The following RADX variants were observed in gnomAD, a reference collection of about 807,000 sequenced individuals.
The protein encoded by RADX is RPA1 related single stranded DNA binding protein, X-linked, also known as RPA-related protein RADX.
Under a neutral mutation model 61.6 loss-of-function variants are expected in RADX, and 36 were observed. The observed-to-expected ratio is 0.58, with a 90% confidence interval of 0.45 to 0.77. The LOEUF (loss-of-function observed/expected upper bound fraction) is 0.77. Ranked by LOEUF, RADX falls within the 30% of genes least tolerant of loss-of-function variation. The probability of loss-of-function intolerance (pLI) is 0.00; values close to 1 mark genes in which losing one functional copy is unlikely to be tolerated. For synonymous variants in RADX, 272 were observed against 237.9 expected (o/e 1.14, Z -1.32); for missense variants, 497 against 651.1 (o/e 0.76, Z 2.58).
intron 10 of RADX, among the ~76,000 whole-genome samples, chrX:106,642,699 T>C (rs1447343978): frequency 8.9e-6 from 1 of 111,951 alleles, no homozygotes; most frequent in Non-Finnish European, 1.9e-5. Flanking sequence ...TTATAAACAG[T>C]GCTGCAGCAA....
chrX:106,626,161 T>C (rs1246179730), intron 3 of RADX, among the ~76,000 whole-genome samples: 3 of 111,689 alleles, frequency 2.7e-5, no homozygotes, highest in African/African-American at 9.7e-5. Context: ...TTGTAAGAAT[T>C]GTAGATTACA....
intron 1 of RADX, 110 bp downstream of exon 1, chrX:106,612,833 G>A: frequency 3.8e-6 from 3 of 792,198 alleles, no homozygotes; most frequent in Non-Finnish European, 5.3e-6. Context: ...TACAAGCCAG[G>A]AGTGGTAGGT....
intron 13 of RADX, among the ~76,000 whole-genome samples, chrX:106,672,775 T>G (rs1356300287): frequency 5.4e-5 from 6 of 111,973 alleles, no homozygotes; most frequent in Admixed American, 9.4e-5. Flanking sequence ...AGCCAGTGAC[T>G]AGAGTCAAAA....
rs1402000472 is a variant in RADX at position 106,631,713 on chromosome X, AAAAGAAAGAAGG to A, written c.980-897_980-886del. ...AGTAAGGCCCTGTCAAAAAAAAAAA[AAAAGAAAGAAGG>A]AAAGAAAGAAGGAAGAAAGGAAGGA... On this transcript the variant is annotated intron_variant, in intron 3 of 13. Coordinates refer to ENST00000372548, the MANE Select transcript of RADX (RefSeq NM_018015.6). Among the ~76,000 whole-genome samples, 559 of 107,221 alleles carry A rather than the reference AAAAGAAAGAAGG, an allele frequency of 5.2e-3. 2 individuals are homozygous for A. Among genetic ancestry groups the A allele is most frequent in the African/African-American group, 0.017 (488 of 29,388 alleles). 93.1% of individuals were successfully genotyped at this position (107,221 alleles called of 115,157 possible). A position where few individuals can be genotyped will look rare whatever the true frequency, so the allele number is the denominator to read the frequency against.
intron 11 of RADX, among the ~76,000 whole-genome samples, chrX:106,659,261 G>A (rs1184440140): frequency 4.5e-5 from 5 of 111,929 alleles, no homozygotes; most frequent in South Asian, 3.7e-4. Context: ...GATTACAGGC[G>A]TGAGCCTGCC....
chrX:106,614,836 G>A (rs1926761940), intron 1 of RADX, among the ~76,000 whole-genome samples: 1 of 109,939 alleles, frequency 9.1e-6, no homozygotes, highest in African/African-American at 3.3e-5. Context: ...TTTCATTAAA[G>A]TTTACCTTGT....
chrX:106,611,992 C>G lies in RADX; in HGVS notation c.-89C>G. ...CTGTCAGCAGGGGCAGAGTAGCGAT[C>G]GTCGCCAAAGCGCGCGGTTTTATTT... On this transcript the variant is annotated 5_prime_UTR_variant, in exon 1 of 14. The change creates a new upstream start codon in the 5' untranslated region. Transcript: ENST00000372548. The G allele has an allele frequency of 9.8e-7, 1 of 1,020,424 alleles. No homozygotes were observed. Among genetic ancestry groups the G allele is most frequent in the Non-Finnish European group, 1.3e-6 (1 of 749,794 alleles). The allele number at this position is 1,020,424 out of a possible 1,213,427, so 84.1% of individuals were successfully genotyped here.
chrX:106,639,699 G>A lies in RADX; in HGVS notation c.1734+12G>A, dbSNP rs781414010. The A allele has an allele frequency of 2.8e-5, 32 of 1,151,130 alleles. No individual in the cohort carries two copies. The highest frequency in any genetic ancestry group is 3.7e-5 in the Non-Finnish European group (32 of 861,622). 94.9% of individuals were successfully genotyped at this position (1,151,130 alleles called of 1,213,427 possible). ...CAGAAACACTTCGGGTATGGTGCCAGAGAATTAATAGTATTTCTCTGAAAG... is the reference window on the plus strand; with the variant it reads ...CAGAAACACTTCGGGTATGGTGCCAAAGAATTAATAGTATTTCTCTGAAAG... On this transcript the variant is annotated intron_variant, in intron 9 of 13. Transcript: ENST00000372548.
At chrX:106,627,537 C>G (rs142629932) in intron 3 of RADX, among the ~76,000 whole-genome samples, 2,244 of 110,766 alleles carry the variant, frequency 0.02, 52 homozygotes, top group African/African-American at 0.069. Flanking sequence ...TAGTCACCAT[C>G]CAATGCGATA....
chrX:106,622,732 T>C lies in RADX; in HGVS notation c.725T>C (p.Leu242Ser). Residue 242 changes from leucine (L) to serine (S), a missense_variant, in exon 2 of 14, where the codon TTA becomes TCA. Physicochemically the swap from Leu to Ser is moderately radical, Grantham distance 145 (BLOSUM62 -2). This residue lies in a region of RADX where 196 missense variants were observed against 315.0 expected (regional missense o/e 0.62). Coordinates refer to ENST00000372548, the MANE Select transcript of RADX (RefSeq NM_018015.6). Reference protein sequence around the residue: ...RNFPALLVRILHKSKLRYYGK... With the variant: ...RNFPALLVRISHKSKLRYYGK... ...TTTCCTGCATTGCTTGTGAGGATCT[T>C]ACATAAATCAAAACTGCGATACTAT... is the stretch of plus-strand genomic sequence containing the variant. The C allele has an allele frequency of 8.3e-7, 1 of 1,202,547 alleles. No individual in the cohort carries two copies. Among genetic ancestry groups the C allele is most frequent in the Non-Finnish European group, 1.1e-6 (1 of 891,202 alleles).
rs1158137958 is a variant in RADX at position 106,622,704 on chromosome X, A to C, written c.697A>C (p.Asn233His). Residue 233 changes from asparagine to histidine, a missense_variant, in exon 2 of 14, where the codon AAT becomes CAT. Transcript: ENST00000372548. ...TGAAATGACCTGGACTAACAGAAGA[A>C]ATTTTCCTGCATTGCTTGTGAGGAT... Reference protein sequence around the residue: ...HLEMTWTNRRNFPALLVRILH... With the variant: ...HLEMTWTNRRHFPALLVRILH... The C allele has an allele frequency of 1.4e-5, 17 of 1,195,381 alleles. No individual in the cohort carries two copies. Among genetic ancestry groups the C allele is most frequent in the Non-Finnish European group, 1.4e-5 (12 of 885,344 alleles).
intron 13 of RADX, among the ~76,000 whole-genome samples, chrX:106,674,063 G>GT (rs753042367): frequency 9.0e-6 from 1 of 111,237 alleles, no homozygotes; most frequent in Non-Finnish European, 1.9e-5. Flanking sequence ...ATTCAGGAGT[G>GT]TTTTTTCTAC....
At chrX:106,677,985 G>T (rs1928549609) in intron 13 of RADX, 143 bp from the exon 14 acceptor site, 2 of 350,218 alleles carry the variant, frequency 5.7e-6, no homozygotes, top group Non-Finnish European at 9.8e-6. Flanking sequence ...TTTGGTAAAT[G>T]CATGTAATAA....
At chrX:106,630,161 A>G (rs868075990) in intron 3 of RADX, among the ~76,000 whole-genome samples, 2 of 110,551 alleles carry the variant, frequency 1.8e-5, no homozygotes, top group Non-Finnish European at 3.8e-5. Flanking sequence ...TGTCTCTACA[A>G]ATAAAAAGAA....
Position 106,656,269 on chromosome X carries a change from A to T in RADX, c.1979-5746A>T, listed in dbSNP as rs753299187. On this transcript the variant is annotated intron_variant, in intron 11 of 13. Transcript: ENST00000372548. ...CAATTTAGTAACATCTTCAGACTCC[A>T]CTTCTAATTCTAGTTCTCCTGCCAT... Among the ~76,000 whole-genome samples the T allele has an allele frequency of 1.4e-4, 16 of 111,894 alleles. 1 individual carries two copies. The highest frequency in any genetic ancestry group is 1.0e-3 in the Admixed American group (11 of 10,561).
intron 8 of RADX, chrX:106,638,780 A>G (rs1202357636): frequency 8.9e-6 from 1 of 111,913 alleles, no homozygotes; most frequent in Non-Finnish European, 1.9e-5. Context: ...TTGAGATCAC[A>G]TCTGACCTTG....
chrX:106,636,385 C>T (rs879065723), intron 6 of RADX, among the ~76,000 whole-genome samples, 158 bp from the exon 7 acceptor site: 1 of 112,014 alleles, frequency 8.9e-6, no homozygotes, highest in East Asian at 2.8e-4. Flanking sequence ...GAATCTCAGG[C>T]CCCACCCTAG....
intron 10 of RADX, 102 bp from the exon 11 acceptor site, chrX:106,648,211 A>C: frequency 4.3e-6 from 2 of 468,554 alleles, no homozygotes; most frequent in South Asian, 9.5e-5. Context: ...ATATTTTCTA[A>C]ATTTATTGAA....
intron 11 of RADX, among the ~76,000 whole-genome samples, chrX:106,653,687 G>A (rs372150661): frequency 2.7e-5 from 3 of 109,889 alleles, no homozygotes; most frequent in African/African-American, 9.9e-5. Context: ...CCCTCCCCTA[G>A]CCCCCAACAT....
Sources: gnomAD v4.1 joint callset for allele counts (sites outside exome capture counted in the v4.1 genomes callset) on GRCh38, gnomAD v4.1.1 for gene constraint, gnomAD v4.1.1 regional missense constraint, MANE v1.5 for transcripts, NCBI Gene and HGNC (gene_info 2026-07-23, HGNC 2026-07-21) for gene names.